MYH7: variants seen among roughly 807,000 people sequenced by gnomAD.
MYH7 encodes the protein myosin heavy chain 7.
In MYH7, 129 loss-of-function variants were observed where a neutral mutation model predicts 225.4. The observed-to-expected ratio is 0.57, with a 90% CI of 0.50 to 0.66. The LOEUF (loss-of-function observed/expected upper bound fraction) is 0.66. MYH7 is among the 30% of genes least tolerant of loss of function. The pLI is 0.00. For synonymous variants in MYH7, 971 were observed against 1,007.6 expected, an observed-to-expected ratio of 0.96 and a Z score of 0.69; for missense variants, 1,649 against 2,517.0, an observed-to-expected ratio of 0.66 and a Z score of 7.38.
At chr14:23,413,546 G>A (rs1025106557) in intron 39 of MYH7, among the ~76,000 whole-genome samples, 1 of 150,148 alleles carries the variant, frequency 6.7e-6, no homozygotes, top group Non-Finnish European at 1.5e-5. Flanking sequence ...CAGCCTGGGC[G>A]GCAGAGTGAG....
At chr14:23,426,593 A>G (rs781343627) in intron 18 of MYH7, among the ~76,000 whole-genome samples, 184 bp downstream of exon 18, 22 of 152,206 alleles carry the variant, frequency 1.4e-4, no homozygotes, top group Non-Finnish European at 2.5e-4. Flanking sequence ...CATCACCCTC[A>G]TTACACACTG....
At position 23,417,606 on chromosome 14, in the gene MYH7, G is replaced by A. The variant is rs1057524383; in HGVS notation, c.4250C>T (p.Thr1417Ile). The A allele has an allele frequency of 1.9e-6, 3 of 1,612,848 alleles. No individual in the cohort carries two copies. Among genetic ancestry groups the A allele is most frequent in the Non-Finnish European group, 2.5e-6 (3 of 1,180,042 alleles). The part of the protein sequence containing the change: ...VNAKCSSLEK[T>I]KHRLQNEIED... ...GATCTCATTCTGTAGCCGGTGCTTGGTCTTCTCCAGCGAGGAGCACTTGGC... is the reference window on the plus strand; with the variant it reads ...GATCTCATTCTGTAGCCGGTGCTTGATCTTCTCCAGCGAGGAGCACTTGGC... The change falls in exon 31 of 40, where the codon ACC becomes ATC. Residue 1417 changes from threonine to isoleucine, a missense_variant. By Grantham distance (89) the Thr-to-Ile change is moderately conservative (BLOSUM62 -1). Transcript: ENST00000355349.
At chr14:23,423,881 C>A in intron 23 of MYH7, 26 bp downstream of exon 23, 1 of 1,613,788 alleles carries the variant, frequency 6.2e-7, no homozygotes, top group South Asian at 1.1e-5. Context: ...GAGACCCGGG[C>A]TGGAGCCAAA....
chr14:23,426,051 T>A lies in MYH7; in HGVS notation c.2075A>T (p.Gln692Leu). Residue 692 changes from glutamine to leucine, a missense_variant, in exon 19 of 40, where the codon CAG becomes CTG. By Grantham distance (113) the Gln-to-Leu change is moderately radical (BLOSUM62 -2). Coordinates refer to ENST00000355349, the MANE Select transcript of MYH7 (RefSeq NM_000257.4). The part of the protein sequence containing the change: ...GVMDNPLVMH[Q>L]LRCNGVLEGI... ...CTCCAGCACACCATTGCAGCGCAGCTGGTGCATGACCAGGGGGTTGTCCAT... is the reference window on the plus strand; with the variant it reads ...CTCCAGCACACCATTGCAGCGCAGCAGGTGCATGACCAGGGGGTTGTCCAT... 6.2e-7 allele frequency: 1 copy of A among 1,614,208 alleles called. No individual in the cohort carries two copies. The highest frequency in any genetic ancestry group is 1.3e-5 in the African/African-American group (1 of 75,058).
At position 23,422,357 on chromosome 14, in the gene MYH7, G is replaced by A. The variant is rs45489192; in HGVS notation, c.3100-32C>T. The A allele has an allele frequency of 8.1e-4, 1,307 of 1,613,996 alleles. 1 individual carries two copies. The highest frequency in any genetic ancestry group is 1.1e-3 in the Non-Finnish European group (1,241 of 1,180,010). Reference sequence around the variant, plus strand: ...GAGAGAAGGAGCCAGGCCCAGTGAGGCAAAGCATCCTGACTTGGTGATTTT... The same window carrying A: ...GAGAGAAGGAGCCAGGCCCAGTGAGACAAAGCATCCTGACTTGGTGATTTT... On this transcript the variant is annotated intron_variant, in intron 24 of 39. Coordinates refer to ENST00000355349, the MANE Select transcript of MYH7 (RefSeq NM_000257.4).
At position 23,418,309 on chromosome 14, in the gene MYH7, A is replaced by C; in HGVS notation, c.4070T>G (p.Leu1357Arg). 6.2e-7 allele frequency: 1 copy of C among 1,613,700 alleles called. No individual in the cohort carries two copies. Among genetic ancestry groups the C allele is most frequent in the Non-Finnish European group, 8.5e-7 (1 of 1,180,038 alleles). Reference sequence around the variant, plus strand: ...GTTGGCCTTGGAAAGGACGCGCTGCAGCTCGGCCTTGGCCTCCGTCTCCTC... The same window carrying C: ...GTTGGCCTTGGAAAGGACGCGCTGCCGCTCGGCCTTGGCCTCCGTCTCCTC... Reference protein sequence around the residue: ...YEEETEAKAELQRVLSKANSE... With the variant: ...YEEETEAKAERQRVLSKANSE... Residue 1357 changes from leucine to arginine, a missense_variant, in exon 30 of 40, where the codon CTG becomes CGG. Transcript: ENST00000355349.
At chr14:23,418,681 G>A (rs1193759090) in intron 29 of MYH7, among the ~76,000 whole-genome samples, 1 of 152,212 alleles carries the variant, frequency 6.6e-6, no homozygotes, top group Non-Finnish European at 1.5e-5. Flanking sequence ...TGGGGAGAGG[G>A]AAACAGGCTC....
Position 23,425,281 on chromosome 14 carries a change from C to T in MYH7, c.2423+1G>A, listed in dbSNP as rs113580172. On this transcript the variant is annotated splice_donor_variant, in intron 21 of 39. Transcript: ENST00000355349. LOFTEE classifies it high-confidence loss of function. The surrounding 1 kb of genome is among the most constrained non-coding windows in gnomAD (Gnocchi z 4.6). Reference sequence around the variant, plus strand: ...GGAAACCTCCTCTTGAGATCTCTCACCTACGTTCCAGCAGCTTTTTGTACT... The same window carrying T: ...GGAAACCTCCTCTTGAGATCTCTCATCTACGTTCCAGCAGCTTTTTGTACT... 4 of 1,614,226 alleles carry T rather than the reference C, an allele frequency of 2.5e-6. No individual in the cohort carries two copies. Among genetic ancestry groups the T allele is most frequent in the Non-Finnish European group, 3.4e-6 (4 of 1,180,044 alleles).
rs2138639781 is a variant in MYH7 at position 23,415,549 on chromosome 14, C to T, written c.5158-43G>A. 6.2e-7 allele frequency: 1 copy of T among 1,614,050 alleles called. No individual in the cohort carries two copies. The highest frequency in any genetic ancestry group is 1.7e-4 in the Middle Eastern group (1 of 6,058). On this transcript the variant is annotated intron_variant, in intron 35 of 39. Transcript: ENST00000355349. The surrounding 1 kb of genome is among the most constrained non-coding windows in gnomAD (Gnocchi z 6.3). ...TGGGCAGAGCAGGAAAAGCATTGAG[C>T]ATCTATGCATAGCTCTCAAGCCTTG...
intron 29 of MYH7, 103 bp downstream of exon 29, chr14:23,419,074 G>T: frequency 1.9e-6 from 2 of 1,051,966 alleles, no homozygotes; most frequent in Admixed American, 1.7e-5. Flanking sequence ...TTGGAGAACT[G>T]TTGGTCCACA....
chr14:23,419,714 AAGGAGGGG>A, intron 27 of MYH7, 105 bp from the exon 28 acceptor site: 1 of 1,612,152 alleles, frequency 6.2e-7, no homozygotes, highest in Non-Finnish European at 8.5e-7. Flanking sequence ...GTGTGAAAAG[AAGGAGGGG>A]ATCTGAGAAC....
At position 23,415,612 on chromosome 14, in the gene MYH7, GC is replaced by G; in HGVS notation, c.5157+16del. On this transcript the variant is annotated intron_variant, in intron 35 of 39. Coordinates refer to ENST00000355349, the MANE Select transcript of MYH7 (RefSeq NM_000257.4). The surrounding 1 kb of genome is among the most constrained non-coding windows in gnomAD (Gnocchi z 6.3). Reference sequence around the variant, plus strand: ...CAGCCTGTGCTCCCTTCAGGAATGAGCAGGGGAGCTGCTCACCTGGGAATGC... The same window carrying G: ...CAGCCTGTGCTCCCTTCAGGAATGAGAGGGGAGCTGCTCACCTGGGAATGC... 1 of 1,613,670 alleles carries G rather than the reference GC, an allele frequency of 6.2e-7. No individual in the cohort carries two copies. The highest frequency in any genetic ancestry group is 8.5e-7 in the Non-Finnish European group (1 of 1,180,022).
rs375948999 is a variant in MYH7, at chr14:23,419,583, G to A, written c.3753C>T (p.Thr1251=). 16 of 1,613,936 alleles carry A rather than the reference G, an allele frequency of 9.9e-6. No homozygotes were observed. The African/African-American group carries it at 1.1e-4, about 11-fold the overall frequency. ...GGTGCTCATTCATCTGGTCTTCCAAGGTCCGGCACATCTTCTCCAGGTTAG... is the reference window on the plus strand; with the variant it reads ...GGTGCTCATTCATCTGGTCTTCCAAAGTCCGGCACATCTTCTCCAGGTTAG... ...AKANLEKMCR[T]LEDQMNEHRS... The change falls in exon 28 of 40, where the codon ACC becomes ACT. Residue 1251 remains threonine, a synonymous_variant. Transcript: ENST00000355349.
chr14:23,430,032 A>C, intron 11 of MYH7, 119 bp from the exon 12 acceptor site: 4 of 1,220,640 alleles, frequency 3.3e-6, no homozygotes, highest in Middle Eastern at 2.1e-4. Context: ...TGAGACTCCC[A>C]TACCCAGTGG....
At chr14:23,421,091 G>C in intron 25 of MYH7, 43 bp from the exon 26 acceptor site, 4 of 1,448,372 alleles carry the variant, frequency 2.8e-6, no homozygotes, top group Non-Finnish European at 3.9e-6. Context: ...GACTCGTGGG[G>C]CCTCAGGAGG....
At chr14:23,417,410 C>T (rs1892265382) in intron 31 of MYH7, 92 bp from the exon 32 acceptor site, 3 of 1,611,652 alleles carry the variant, frequency 1.9e-6, no homozygotes, top group East Asian at 2.2e-5. Context: ...AGCCCTCCTC[C>T]CCCACCTCCA....
In MYH7 at chr14:23,419,964, G is replaced by A; in HGVS notation, c.3607C>T (p.Leu1203=). Residue 1203 remains leucine, a synonymous_variant, in exon 27 of 40, where the codon CTG becomes TTG. Coordinates refer to ENST00000355349, the MANE Select transcript of MYH7 (RefSeq NM_000257.4). ...RKKHADSVAE[L]GEQIDNLQRV... ...TGCAGGTTGTCGATCTGCTCGCCCA[G>A]CTCGGCCACGCTGTCGGCGTGCTTC... 6.2e-7 allele frequency: 1 copy of A among 1,606,844 alleles called. No individual in the cohort carries two copies. The highest frequency in any genetic ancestry group is 8.5e-7 in the Non-Finnish European group (1 of 1,175,026).
rs727504319 is a variant in MYH7 at position 23,414,991 on chromosome 14, G to A, written c.5559+4C>T. ...GCTCTGCCTGGAGTCACCGCCCGTC[G>A]CACCTGGTAGGTGAGCTCCTTGATG... On this transcript the variant is annotated splice_donor_region_variant and intron_variant, in intron 37 of 39. Coordinates refer to ENST00000355349, the MANE Select transcript of MYH7 (RefSeq NM_000257.4). 7.6e-5 allele frequency: 122 copies of A among 1,605,988 alleles called. No individual in the cohort carries two copies. Among genetic ancestry groups the A allele is most frequent in the Non-Finnish European group, 9.6e-5 (113 of 1,179,986 alleles).
At chr14:23,429,483 C>A in intron 12 of MYH7, 136 bp from the exon 13 acceptor site, 1 of 933,858 alleles carries the variant, frequency 1.1e-6, no homozygotes, top group Non-Finnish European at 1.7e-6. Flanking sequence ...TGAGACCAAC[C>A]TGGCCAACAT....
Sources: gnomAD v4.1 joint callset for allele counts (sites outside exome capture counted in the v4.1 genomes callset) on GRCh38, gnomAD v4.1.1 for gene constraint, Gnocchi (gnomAD v3.1) non-coding constraint, MANE v1.5 for transcripts, NCBI Gene and HGNC (gene_info 2026-07-23, HGNC 2026-07-21) for gene names.